TNK2: variants seen among roughly 807,000 people sequenced by gnomAD.
The protein encoded by TNK2 is tyrosine kinase non receptor 2, also known as activated CDC42 kinase 1.
In TNK2, 83 loss-of-function variants were observed where a neutral mutation model predicts 101.8. The ratio of observed to expected loss-of-function variants is 0.82; its 90% CI spans 0.68 to 0.98. The LOEUF is 0.98. TNK2 is among the 50% of genes least tolerant of loss of function. The pLI, the probability that TNK2 is intolerant of heterozygous loss-of-function variation, is 0.00. For missense variants in TNK2, 1,665 were observed against 1,483.2 expected, an observed-to-expected ratio of 1.12 and a Z score of -2.01; for synonymous variants, 804 against 633.0, an observed-to-expected ratio of 1.27 and a Z score of -4.06.
In TNK2 at chr3:195,892,611, G is replaced by A. The variant is rs1048748992; in HGVS notation, c.-18-4005C>T. The A allele has an allele frequency of 2.8e-6, 4 of 1,452,940 alleles. No homozygotes were observed. In the African/African-American group the frequency reaches 5.7e-5, roughly 21 times the overall value. 90.0% of individuals were successfully genotyped at this position (1,452,940 alleles called of 1,614,324 possible). Reference sequence around the variant, plus strand: ...CAGGGGTGGGAAATGAGGAAGAACGGGGTGGGCCCCTCCGCTCTGCTGCAA... The same window carrying A: ...CAGGGGTGGGAAATGAGGAAGAACGAGGTGGGCCCCTCCGCTCTGCTGCAA... On this transcript the variant is annotated intron_variant, in intron 1 of 15. Transcript: ENST00000672887.
At chr3:195,865,524 G>A (rs1005728471) in intron 15 of TNK2, among the ~76,000 whole-genome samples, 2 of 143,320 alleles carry the variant, frequency 1.4e-5, no homozygotes, top group South Asian at 2.3e-4. Context: ...GGACAGACAA[G>A]TGACACGGAG....
rs1286307018 is a variant in TNK2, at chr3:195,888,604, C to T, written c.-16G>A. 5 of 1,607,544 alleles carry T rather than the reference C, an allele frequency of 3.1e-6. No individual in the cohort carries two copies. The highest frequency in any genetic ancestry group is 4.2e-6 in the Non-Finnish European group (5 of 1,177,448). The stretch of plus-strand genomic sequence containing the variant: ...CTGGCTGCATTCTGCCGCCTCCCAG[C>T]CTCTGTGGGGGGAGGAGTGGCTCAG... On this transcript the variant is annotated splice_region_variant and 5_prime_UTR_variant, in exon 2 of 16. Coordinates refer to ENST00000672887, the MANE Select transcript of TNK2 (RefSeq NM_001382273.1). The surrounding 1 kb of genome is among the most constrained non-coding windows in gnomAD (Gnocchi z 5.3).
At chr3:195,891,874 C>A (rs554963613) in intron 1 of TNK2, 1 of 975,174 alleles carries the variant, frequency 1.0e-6, no homozygotes, top group Non-Finnish European at 1.2e-6. Context: ...AAGCACAGCC[C>A]GGCCTGTTCC....
intron 6 of TNK2, 97 bp from the exon 7 acceptor site, chr3:195,879,272 A>C: frequency 1.3e-6 from 2 of 1,535,732 alleles, no homozygotes; most frequent in African/African-American, 1.4e-5. Context: ...ACTTGTTGTG[A>C]CCCCCTGTGC....
intron 9 of TNK2, among the ~76,000 whole-genome samples, chr3:195,874,061 C>T (rs943552844): frequency 6.6e-6 from 1 of 152,204 alleles, no homozygotes; most frequent in Non-Finnish European, 1.5e-5. Flanking sequence ...CAGCCTCCCA[C>T]GGCGGCCCGT....
intron 1 of TNK2, among the ~76,000 whole-genome samples, chr3:195,889,495 G>A (rs984239161): frequency 2.6e-5 from 4 of 151,228 alleles, no homozygotes; most frequent in South Asian, 4.2e-4. Context: ...TTCTGCGGAC[G>A]CTTCAGACTC....
In TNK2 at chr3:195,887,819, C is replaced by T. The variant is rs549141317; in HGVS notation, c.163+607G>A. On this transcript the variant is annotated intron_variant, in intron 2 of 15. Transcript: ENST00000672887. ...TGTGTGTATGCCGTGCGTGTGCATG[C>T]GGGTGTGCGCACACACGTGTGTGTG... 6.3e-5 allele frequency among the ~76,000 whole-genome samples: 9 copies of T among 141,806 alleles called. No homozygotes were observed. In the South Asian group the frequency reaches 1.1e-3, roughly 17 times the overall value. The allele number at this position is 141,806 out of a possible 152,430, so 93.0% of individuals were successfully genotyped here.
In TNK2 at chr3:195,883,270, T is replaced by C. The variant is rs1430123336; in HGVS notation, c.496A>G (p.Ser166Gly). 2 of 1,613,394 alleles carry C rather than the reference T, an allele frequency of 1.2e-6. No homozygotes were observed. The highest frequency in any genetic ancestry group is 1.7e-6 in the Non-Finnish European group (2 of 1,180,012). Residue 166 changes from serine (S) to glycine (G), a missense_variant, in exon 5 of 16, where the codon AGC becomes GGC. By Grantham distance (56) the Ser-to-Gly change is moderately conservative (BLOSUM62 0). Coordinates refer to ENST00000672887, the MANE Select transcript of TNK2 (RefSeq NM_001382273.1). ...AVKCLKPDVL[S>G]QPEAMDDFIR... ...AAGTCGTCCATGGCTTCTGGCTGGC[T>C]CAGGACATCGGGCTTCAGGCACTTC... is the stretch of plus-strand genomic sequence containing the variant.
In TNK2 at chr3:195,868,212, G is replaced by A. The variant is rs1423506632; in HGVS notation, c.2086C>T (p.Pro696Ser). 3.1e-6 allele frequency: 5 copies of A among 1,607,552 alleles called. No individual in the cohort carries two copies. In the Admixed American group the frequency reaches 6.7e-5, roughly 22 times the overall value. The change falls in exon 13 of 16, where the codon CCT becomes TCT. Residue 696 changes from proline (P) to serine (S), a missense_variant. Physicochemically the swap from Pro to Ser is moderately conservative, Grantham distance 74. This residue lies in a region of TNK2 where 1,136 missense variants were observed against 894.9 expected (regional missense o/e 1.27). Transcript: ENST00000672887. ...AFVPEQARPP[P>S]PLEDNLFLPP... The stretch of plus-strand genomic sequence containing the variant: ...AGGAACAGGTTGTCCTCCAGGGGAG[G>A]GGGCGGCCGCGCCTGCTCAGGCACA...
intron 15 of TNK2, among the ~76,000 whole-genome samples, chr3:195,864,616 G>A (rs567324261): frequency 1.5e-5 from 2 of 132,500 alleles, no homozygotes; most frequent in South Asian, 2.6e-4. Context: ...CAGGTGACAC[G>A]GAGTGCCTGC....
At chr3:195,902,647 A>G (rs1193203395) in intron 1 of TNK2, among the ~76,000 whole-genome samples, 1 of 53,764 alleles carries the variant, frequency 1.9e-5, no homozygotes, top group African/African-American at 2.0e-4. Flanking sequence ...AAACAAACAT[A>G]AAAAAAAAAA....
intron 1 of TNK2, chr3:195,896,665 C>T (rs1039181839): frequency 6.5e-6 from 1 of 154,002 alleles, no homozygotes; most frequent in African/African-American, 2.4e-5. Flanking sequence ...CCTGCTTTCT[C>T]CCTGCCTCAC....
chr3:195,867,919 C>T lies in TNK2; in HGVS notation c.2379G>A (p.Val793=). ...QWPGPASPPR[V]PPREPLSPQG... ...GAGGGGACAGGGGCTCCCGCGGAGG[C>T]ACCCGGGGAGGGGAAGCAGGTCCAG... The change falls in exon 13 of 16, where the codon GTG becomes GTA. Residue 793 remains valine, a synonymous_variant. Coordinates refer to ENST00000672887, the MANE Select transcript of TNK2 (RefSeq NM_001382273.1). The T allele has an allele frequency of 1.3e-6, 2 of 1,533,458 alleles. No individual in the cohort carries two copies. The highest frequency in any genetic ancestry group is 1.2e-5 in the South Asian group (1 of 80,398). The allele number at this position is 1,533,458 out of a possible 1,614,324, so 95.0% of individuals were successfully genotyped here. A position where few individuals can be genotyped will look rare whatever the true frequency, so the allele number is the denominator to read the frequency against.
chr3:195,864,256 G>A (rs550197862), intron 15 of TNK2, 69 bp from the exon 16 acceptor site: 3 of 1,588,156 alleles, frequency 1.9e-6, no homozygotes, highest in Non-Finnish European at 2.6e-6. Context: ...GGCACCGGGG[G>A]TCACACTGGT....
At chr3:195,876,366 C>T (rs1047138470) in intron 9 of TNK2, 9 of 454,062 alleles carry the variant, frequency 2.0e-5, no homozygotes, top group Admixed American at 7.1e-5. Flanking sequence ...AGTGGGAAGC[C>T]ACGGCGAAGA....
chr3:195,889,159 G>C lies in TNK2; in HGVS notation c.-18-553C>G, dbSNP rs74436494. ...CCTAACAATCCAAAGACCACTCCAC[G>C]GGCCACCACTCAAGTGCCTACAGGG... On this transcript the variant is annotated intron_variant, in intron 1 of 15. Transcript: ENST00000672887. Among the ~76,000 whole-genome samples the C allele has an allele frequency of 2.7e-4, 41 of 151,802 alleles. No individual in the cohort carries two copies. The East Asian group carries it at 7.0e-3, about 26-fold the overall frequency.
chr3:195,878,161 A>C lies in TNK2; in HGVS notation c.1256+92T>G. On this transcript the variant is annotated intron_variant, in intron 9 of 15. Transcript: ENST00000672887. The surrounding 1 kb of genome is among the most constrained non-coding windows in gnomAD (Gnocchi z 4.7). ...CCGCCAGCCTGTATGTGGCCAAGGG[A>C]ATCTTGGAGGCCAAACAGATCTGTC... is the stretch of plus-strand genomic sequence containing the variant. 7.4e-7 allele frequency: 1 copy of C among 1,358,510 alleles called. No individual in the cohort carries two copies. Among genetic ancestry groups the C allele is most frequent in the Non-Finnish European group, 1.0e-6 (1 of 952,522 alleles). 84.2% of individuals were successfully genotyped at this position (1,358,510 alleles called of 1,614,324 possible). A position where few individuals can be genotyped will look rare whatever the true frequency, so the allele number is the denominator to read the frequency against.
In TNK2 at chr3:195,885,357, A is replaced by G; in HGVS notation, c.235-324T>C. 41 of 1,369,024 alleles carry G rather than the reference A, an allele frequency of 3.0e-5. No individual in the cohort carries two copies. The highest frequency in any genetic ancestry group is 3.9e-5 in the Non-Finnish European group (41 of 1,045,992). The allele number at this position is 1,369,024 out of a possible 1,614,324, so 84.8% of individuals were successfully genotyped here. A position where few individuals can be genotyped will look rare whatever the true frequency, so the allele number is the denominator to read the frequency against. ...CCAGCCAAGGTCGGAGTCTCCTCCC[A>G]GTCCTGCCCCACCCTCCCTTCCTGC... On this transcript the variant is annotated intron_variant, in intron 3 of 15. Coordinates refer to ENST00000672887, the MANE Select transcript of TNK2 (RefSeq NM_001382273.1). The surrounding 1 kb of genome is among the most constrained non-coding windows in gnomAD (Gnocchi z 4.7).
Position 195,888,303 on chromosome 3 carries a change from C to T in TNK2, c.163+123G>A. 9.8e-7 allele frequency: 1 copy of T among 1,024,592 alleles called. No homozygotes were observed. The highest frequency in any genetic ancestry group is 1.4e-6 in the Non-Finnish European group (1 of 691,584). 63.5% of individuals were successfully genotyped at this position (1,024,592 alleles called of 1,614,324 possible). ...ATCACACATCAGCACCTACTGATGTCCCTCCTGCTCCCTCAGGGCTCTGGG... is the reference window on the plus strand; with the variant it reads ...ATCACACATCAGCACCTACTGATGTTCCTCCTGCTCCCTCAGGGCTCTGGG... On this transcript the variant is annotated intron_variant, in intron 2 of 15. Coordinates refer to ENST00000672887, the MANE Select transcript of TNK2 (RefSeq NM_001382273.1). The surrounding 1 kb of genome is among the most constrained non-coding windows in gnomAD (Gnocchi z 5.3).
Sources: allele counts gnomAD v4.1 joint callset (sites outside exome capture counted in the v4.1 genomes callset), GRCh38; gene constraint gnomAD v4.1.1; regional missense constraint gnomAD v4.1.1; non-coding constraint Gnocchi (gnomAD v3.1); transcripts MANE v1.5; gene names NCBI Gene and HGNC (gene_info 2026-07-23, HGNC 2026-07-21).